Variants in NBEA observed in about 807,000 individuals in gnomAD.
NBEA encodes neurobeachin.
NBEA carries 44 observed loss-of-function variants against 343.4 expected under a neutral mutation model. The ratio of observed to expected loss-of-function variants is 0.13; its 90% CI spans 0.10 to 0.16. The LOEUF is 0.16. Ranked by LOEUF, NBEA falls within the 10% of genes least tolerant of loss-of-function variation. The pLI is 1.00. For synonymous variants in NBEA, 1,175 were observed against 1,238.7 expected, an observed-to-expected ratio of 0.95 and a Z score of 1.08; for missense variants, 2,555 against 3,631.3, an observed-to-expected ratio of 0.70 and a Z score of 7.62.
At chr13:35,373,704 C>CAAA (rs910046619) in intron 38 of NBEA, among the ~76,000 whole-genome samples, 3 of 115,468 alleles carry the variant, frequency 2.6e-5, no homozygotes, top group African/African-American at 1.4e-4. Flanking sequence ...GACACTGTCT[C>CAAA]AAAAATAATA....
intron 18 of NBEA, 111 bp downstream of exon 18, chr13:35,142,488 CAGAAA>C: frequency 6.8e-6 from 4 of 590,334 alleles, no homozygotes; most frequent in Non-Finnish European, 8.4e-6. Flanking sequence ...CTAATTAAAC[CAGAAA>C]ATGGTTTAAT....
intron 8 of NBEA, among the ~76,000 whole-genome samples, chr13:35,065,327 A>G (rs540970185): frequency 2.0e-5 from 3 of 152,004 alleles, no homozygotes; most frequent in African/African-American, 7.2e-5. Flanking sequence ...CCTGTTGACA[A>G]TGTAGTATCT....
chr13:35,387,702 G>A (rs893471743), intron 38 of NBEA, among the ~76,000 whole-genome samples: 1 of 152,006 alleles, frequency 6.6e-6, no homozygotes, highest in Non-Finnish European at 1.5e-5. Flanking sequence ...GGTATTGATT[G>A]TGAAGTTCCT....
rs1243851172 is a variant in NBEA, at chr13:35,308,610, A to ATATATG, written c.5839-913_5839-912insGTATAT. 1.3e-3 allele frequency among the ~76,000 whole-genome samples: 165 copies of ATATATG among 131,152 alleles called. 1 individual carries two copies. Among genetic ancestry groups the ATATATG allele is most frequent in the African/African-American group, 4.6e-3 (156 of 34,150 alleles). 86.0% of individuals were successfully genotyped at this position (131,152 alleles called of 152,430 possible). A position where few individuals can be genotyped will look rare whatever the true frequency, so the allele number is the denominator to read the frequency against. ...TATATATGTATATATGTATATATGT[A>ATATATG]TATATATATGCACACACACACACAG... is the stretch of plus-strand genomic sequence containing the variant. On this transcript the variant is annotated intron_variant, in intron 35 of 58. Coordinates refer to ENST00000379939, the MANE Select transcript of NBEA (RefSeq NM_001385012.1).
At chr13:35,636,319 C>T (rs73173612) in intron 49 of NBEA, among the ~76,000 whole-genome samples, 25,161 of 152,092 alleles carry the variant, frequency 0.17, 2,377 homozygotes, top group South Asian at 0.22. Flanking sequence ...CATTTGAAGT[C>T]TCAGTACAGT....
At chr13:35,501,845 A>T (rs2076900353) in intron 41 of NBEA, among the ~76,000 whole-genome samples, 1 of 151,888 alleles carries the variant, frequency 6.6e-6, no homozygotes. Flanking sequence ...GGGGCGGGGA[A>T]CCCCTATTAA....
At chr13:35,565,618 G>A (rs754507314) in intron 44 of NBEA, among the ~76,000 whole-genome samples, 3 of 151,944 alleles carry the variant, frequency 2.0e-5, no homozygotes, top group African/African-American at 7.3e-5. Flanking sequence ...GGATCATAAC[G>A]CATTTTTATA....
chr13:35,428,310 T>G (rs1403859123), intron 38 of NBEA, among the ~76,000 whole-genome samples: 1 of 152,204 alleles, frequency 6.6e-6, no homozygotes, highest in Non-Finnish European at 1.5e-5. Context: ...TGGACATTGT[T>G]TCAGCTCTGC....
intron 41 of NBEA, among the ~76,000 whole-genome samples, chr13:35,473,534 TGA>T (rs988906503): frequency 2.6e-5 from 4 of 152,186 alleles, no homozygotes; most frequent in Admixed American, 2.6e-4. Context: ...GGCCCATAGG[TGA>T]TCAGCCTTTT....
chr13:35,334,039 C>T (rs1330604964), intron 36 of NBEA, among the ~76,000 whole-genome samples: 4 of 151,562 alleles, frequency 2.6e-5, no homozygotes, highest in African/African-American at 9.7e-5. Flanking sequence ...AGATCGATTT[C>T]CTTTCATTGG....
chr13:35,571,369 G>T (rs1475145796), intron 45 of NBEA, among the ~76,000 whole-genome samples: 1 of 152,182 alleles, frequency 6.6e-6, no homozygotes, highest in South Asian at 2.1e-4. Context: ...GGGAGAAAAA[G>T]TCAAGAGGTT....
chr13:35,376,146 C>T (rs1694074943), intron 38 of NBEA, among the ~76,000 whole-genome samples: 1 of 152,142 alleles, frequency 6.6e-6, no homozygotes, highest in Non-Finnish European at 1.5e-5. Flanking sequence ...ACTGCAACAA[C>T]TGAGCAGCTC....
chr13:35,134,849 A>G (rs191989449), intron 17 of NBEA, among the ~76,000 whole-genome samples: 221 of 152,098 alleles, frequency 1.5e-3, no homozygotes, highest in Non-Finnish European at 2.1e-3. Context: ...TACCTCATTG[A>G]GATAAAATAG....
intron 34 of NBEA, among the ~76,000 whole-genome samples, chr13:35,246,346 G>GA (rs763461937): frequency 2.0e-5 from 3 of 152,106 alleles, no homozygotes; most frequent in Non-Finnish European, 4.4e-5. Context: ...TTTTTTGGGG[G>GA]ATGTTAAAGA....
chr13:34,944,716 CTG>C (rs1378858078), intron 1 of NBEA, among the ~76,000 whole-genome samples: 5 of 152,170 alleles, frequency 3.3e-5, no homozygotes, highest in Non-Finnish European at 7.4e-5. Flanking sequence ...TAGCAGGTAA[CTG>C]TATTTCTGTA....
chr13:35,426,043 C>G (rs888824789), intron 38 of NBEA, among the ~76,000 whole-genome samples: 2 of 152,142 alleles, frequency 1.3e-5, no homozygotes, highest in African/African-American at 4.8e-5. Context: ...ATGTGTGTCT[C>G]TGCACATGAG....
At chr13:35,478,172 A>T (rs1172660027) in intron 41 of NBEA, among the ~76,000 whole-genome samples, 2 of 152,164 alleles carry the variant, frequency 1.3e-5, no homozygotes, top group Admixed American at 1.3e-4. Flanking sequence ...TTTGTTTTGC[A>T]CAGGCACAGC....
At chr13:35,545,878 G>T (rs1311828420) in intron 41 of NBEA, among the ~76,000 whole-genome samples, 1 of 152,194 alleles carries the variant, frequency 6.6e-6, no homozygotes, top group African/African-American at 2.4e-5. Context: ...AAAGTCAGCA[G>T]GGTTGTTTGG....
At chr13:35,342,287 C>T (rs2039629634) in intron 36 of NBEA, among the ~76,000 whole-genome samples, 1 of 151,984 alleles carries the variant, frequency 6.6e-6, no homozygotes, top group African/African-American at 2.4e-5. Flanking sequence ...CGTGGTTCCA[C>T]AAGATAGTGA....
Sources: allele counts gnomAD v4.1 joint callset (sites outside exome capture counted in the v4.1 genomes callset), GRCh38; gene constraint gnomAD v4.1.1; transcripts MANE v1.5; gene names NCBI Gene and HGNC (gene_info 2026-07-23, HGNC 2026-07-21).